Variants in ERC2 observed in about 807,000 individuals in gnomAD.
ERC2 encodes the protein ELKS/RAB6-interacting/CAST family member 2.
A neutral mutation model predicts 114.8 loss-of-function variants in ERC2; 42 were observed. The ratio of observed to expected loss-of-function variants is 0.37; its 90% CI spans 0.29 to 0.47. The LOEUF (loss-of-function observed/expected upper bound fraction) is 0.47, where lower values mean the gene tolerates loss of function less well. ERC2 is among the 20% of genes least tolerant of loss of function. The pLI is 0.99. For synonymous variants in ERC2, 454 were observed against 425.5 expected, an observed-to-expected ratio of 1.07 and a Z score of -0.82; for missense variants, 939 against 1,150.7, an observed-to-expected ratio of 0.82 and a Z score of 2.66.
chr3:55,847,998 T>C (rs1319079375), intron 14 of ERC2, among the ~76,000 whole-genome samples: 1 of 152,162 alleles, frequency 6.6e-6, no homozygotes, highest in African/African-American at 2.4e-5. Flanking sequence ...GGTCTCGCTA[T>C]GTTGCCCAGG....
intron 3 of ERC2, among the ~76,000 whole-genome samples, chr3:56,185,908 A>G (rs1483870030): frequency 1.3e-5 from 2 of 152,000 alleles, no homozygotes; most frequent in African/African-American, 4.8e-5. Context: ...AGAGATTCTC[A>G]GTGTGAGAAG....
chr3:55,843,416 C>A (rs762333049), intron 14 of ERC2, among the ~76,000 whole-genome samples: 2 of 152,152 alleles, frequency 1.3e-5, no homozygotes, highest in Admixed American at 1.3e-4. Context: ...TCATATGAGA[C>A]TGATAATGAG....
chr3:55,690,415 T>C (rs1275439423), intron 16 of ERC2, among the ~76,000 whole-genome samples: 1 of 152,184 alleles, frequency 6.6e-6, no homozygotes, highest in Non-Finnish European at 1.5e-5. Context: ...CCCCTCTCAA[T>C]GGGGGAGCTA....
intron 13 of ERC2, among the ~76,000 whole-genome samples, chr3:55,943,684 C>T (rs182676995): frequency 1.3e-5 from 2 of 152,216 alleles, no homozygotes; most frequent in East Asian, 1.9e-4. Flanking sequence ...TGAAGATCAC[C>T]CCACGAAAGC....
At chr3:56,215,921 A>C (rs2049437536) in intron 3 of ERC2, among the ~76,000 whole-genome samples, 1 of 152,258 alleles carries the variant, frequency 6.6e-6, no homozygotes, top group Non-Finnish European at 1.5e-5. Flanking sequence ...TGAAGGCAGA[A>C]ATAAAGATGT....
chr3:56,357,453 C>T (rs569131556), intron 2 of ERC2, among the ~76,000 whole-genome samples: 2 of 152,288 alleles, frequency 1.3e-5, no homozygotes, highest in South Asian at 4.1e-4. Flanking sequence ...ACCACAACTT[C>T]CACCTCTACA....
intron 17 of ERC2, among the ~76,000 whole-genome samples, chr3:55,649,898 G>A (rs1182862): frequency 0.94 from 143,642 of 152,262 alleles, 67,793 homozygotes; most frequent in East Asian, 1. Context: ...GATGGGGAAC[G>A]GATTTTTAAA....
At chr3:56,052,221 A>G (rs2075806074) in intron 7 of ERC2, among the ~76,000 whole-genome samples, 1 of 152,194 alleles carries the variant, frequency 6.6e-6, no homozygotes, top group African/African-American at 2.4e-5. Flanking sequence ...GCTCTGTGAA[A>G]AGCTACAAGA....
At chr3:55,944,071 G>T (rs569932543) in intron 13 of ERC2, among the ~76,000 whole-genome samples, 1 of 152,308 alleles carries the variant, frequency 6.6e-6, no homozygotes, top group East Asian at 1.9e-4. Flanking sequence ...TGCTTAGAAA[G>T]CCCCCTCAAA....
intron 1 of ERC2, among the ~76,000 whole-genome samples, chr3:56,441,656 G>A (rs914175132): frequency 8.5e-5 from 13 of 152,186 alleles, no homozygotes; most frequent in African/African-American, 2.9e-4. Context: ...CCAGACTGGA[G>A]TGCAGTGGCA....
chr3:55,909,939 C>T (rs2064701219), intron 13 of ERC2, among the ~76,000 whole-genome samples: 1 of 152,068 alleles, frequency 6.6e-6, no homozygotes, highest in African/African-American at 2.4e-5. Context: ...ATTGAGAAGG[C>T]CTCATTTGTT....
intron 8 of ERC2, among the ~76,000 whole-genome samples, chr3:56,011,747 C>T (rs1034444577): frequency 5.3e-5 from 8 of 152,106 alleles, no homozygotes; most frequent in Non-Finnish European, 1.0e-4. Context: ...TTAAAAAATA[C>T]TGGTGCAACA....
intron 17 of ERC2, among the ~76,000 whole-genome samples, chr3:55,587,987 G>T (rs958342496): frequency 6.6e-6 from 1 of 152,144 alleles, no homozygotes; most frequent in African/African-American, 2.4e-5. Flanking sequence ...ATTGCCTATT[G>T]CCTTCCAAAC....
rs116201249 is a variant in ERC2, at chr3:56,092,599, A to G, written c.1474-11615T>C. On this transcript the variant is annotated intron_variant, in intron 6 of 17. Coordinates refer to ENST00000288221, the MANE Select transcript of ERC2 (RefSeq NM_015576.3). ...TACCTCACTGATTTTTATGCTCACT[A>G]TAAAACTATAGCTGTCATAATATTT... is the stretch of plus-strand genomic sequence containing the variant. Among the ~76,000 whole-genome samples, 925 of 152,320 alleles carry G rather than the reference A, an allele frequency of 6.1e-3. 5 individuals carry two copies. Among genetic ancestry groups the G allele is most frequent in the Non-Finnish European group, 0.011 (717 of 68,032 alleles).
At chr3:55,579,235 A>G (rs1025599907) in intron 17 of ERC2, among the ~76,000 whole-genome samples, 1 of 152,218 alleles carries the variant, frequency 6.6e-6, no homozygotes, top group Non-Finnish European at 1.5e-5. Flanking sequence ...GACAGACCTC[A>G]ATGAGCACTT....
intron 16 of ERC2, among the ~76,000 whole-genome samples, chr3:55,691,559 AAAAAAAAAAAAAAAATATATATATATAT>A (rs987747033): frequency 3.8e-5 from 3 of 79,438 alleles, no homozygotes; most frequent in African/African-American, 1.4e-4. Context: ...AAAAAAAAAA[AAAAAAAAAAAAAAAATATATATATATAT>A]ATATATATAT....
chr3:56,224,928 G>T (rs2050152504), intron 3 of ERC2, among the ~76,000 whole-genome samples: 1 of 152,086 alleles, frequency 6.6e-6, no homozygotes, highest in Admixed American at 6.5e-5. Flanking sequence ...CTTTCTCACT[G>T]GGAGTGTTAT....
intron 4 of ERC2, among the ~76,000 whole-genome samples, chr3:56,156,750 C>T (rs2081745508): frequency 6.6e-6 from 1 of 152,110 alleles, no homozygotes; most frequent in African/African-American, 2.4e-5. Context: ...TTCCATGTGC[C>T]TGTAACACAC....
At chr3:56,348,149 C>CCCTTCTGTCTTGCTTCCCTCTTCCTTT (rs2058378603) in intron 2 of ERC2, among the ~76,000 whole-genome samples, 1 of 152,178 alleles carries the variant, frequency 6.6e-6, no homozygotes, top group Admixed American at 6.6e-5. Context: ...GCTTCTCCTT[C>CCCTTCTGTCTTGCTTCCCTCTTCCTTT]CCTTCTGTCT....
Sources: allele counts gnomAD v4.1 joint callset (sites outside exome capture counted in the v4.1 genomes callset), GRCh38; gene constraint gnomAD v4.1.1; transcripts MANE v1.5; gene names NCBI Gene and HGNC (gene_info 2026-07-23, HGNC 2026-07-21).